Variants in PUS1 observed in about 807,000 individuals in gnomAD.
PUS1 encodes the protein pseudouridylate synthase 1 homolog.
In PUS1, 25 loss-of-function variants were observed where a neutral mutation model predicts 38.5. That is an observed-to-expected ratio of 0.65 (90% CI 0.47 to 0.91). PUS1 has a LOEUF of 0.91. Among genes scored for constraint, PUS1 ranks in the 40% least tolerant of loss-of-function variants. The pLI, the probability that PUS1 is intolerant of heterozygous loss-of-function variation, is 0.00. For missense variants in PUS1, 597 were observed against 612.3 expected (o/e 0.97, Z 0.26); for synonymous variants, 282 against 260.4 (o/e 1.08, Z -0.80).
At chr12:131,938,369 T>C (rs956821890) in intron 3 of PUS1, among the ~76,000 whole-genome samples, 1 of 152,136 alleles carries the variant, frequency 6.6e-6, no homozygotes, top group Non-Finnish European at 1.5e-5. Flanking sequence ...TGCTCAAACC[T>C]GGGAGGTCAA....
Position 131,939,156 on chromosome 12 carries a change from T to A in PUS1, c.442-17T>A, listed in dbSNP as rs1199751639. The A allele has an allele frequency of 1.2e-5, 19 of 1,536,338 alleles. No homozygotes were observed. The Middle Eastern group carries it at 1.0e-3, about 84-fold the overall frequency. Reference sequence around the variant, plus strand: ...CAAGGGACCCACCTTCCGTCACCCGTTCTGCTTTGTTTACAGGGTGTGTCC... The same window carrying A: ...CAAGGGACCCACCTTCCGTCACCCGATCTGCTTTGTTTACAGGGTGTGTCC... On this transcript the variant is annotated splice_polypyrimidine_tract_variant and intron_variant, in intron 3 of 5. Transcript: ENST00000376649.
At chr12:131,942,407 CT>C (rs143876811) in intron 5 of PUS1, among the ~76,000 whole-genome samples, 7 of 149,240 alleles carry the variant, frequency 4.7e-5, no homozygotes, top group South Asian at 2.1e-4. Flanking sequence ...TTTGTTCTTT[CT>C]TTTTTTTTTG....
chr12:131,938,288 A>G (rs537503390), intron 3 of PUS1, among the ~76,000 whole-genome samples: 3 of 152,224 alleles, frequency 2.0e-5, no homozygotes, highest in African/African-American at 7.2e-5. Flanking sequence ...TACAAAAAAA[A>G]TTGAAAACTA....
Position 131,929,745 on chromosome 12 carries a change from T to C in PUS1, c.23T>C (p.Leu8Pro), listed in dbSNP as rs144200090. The change falls in exon 1 of 6, where the codon CTG becomes CCG. Residue 8 changes from leucine (L) to proline (P), a missense_variant. Physicochemically the swap from Leu to Pro is moderately conservative, Grantham distance 98. Coordinates refer to ENST00000376649, the MANE Select transcript of PUS1 (RefSeq NM_025215.6). MGLQLRA[L>P]LGAFGRWTLR... ...CGCATGGGCCTCCAGCTTCGCGCGC[T>C]GTTGGGAGCCTTCGGACGGTGGACC... 1 of 1,592,578 alleles carries C rather than the reference T, an allele frequency of 6.3e-7. No individual in the cohort carries two copies. Among genetic ancestry groups the C allele is most frequent in the Non-Finnish European group, 8.5e-7 (1 of 1,176,638 alleles).
At chr12:131,939,342 G>T (rs1890971137) in intron 4 of PUS1, 67 bp downstream of exon 4, 1 of 1,002,372 alleles carries the variant, frequency 1.0e-6, no homozygotes, top group Non-Finnish European at 1.5e-6. Flanking sequence ...ACGAGGCTAT[G>T]CATGCTCCTG....
Position 131,941,473 on chromosome 12 carries a change from G to C in PUS1, c.726G>C (p.Thr242=). 6.2e-7 allele frequency: 1 copy of C among 1,613,462 alleles called. No homozygotes were observed. Among genetic ancestry groups the C allele is most frequent in the South Asian group, 1.1e-5 (1 of 91,074 alleles). ...VNRLLACYKG[T]HNFHNFTSQK... is the part of the protein sequence containing the mutation. ...GGCTCCTGGCCTGCTACAAGGGCAC[G>C]CACAACTTCCACAATTTCACCTCGC... is the stretch of plus-strand genomic sequence containing the variant. The change falls in exon 5 of 6, where the codon ACG becomes ACC. Residue 242 remains threonine (T), a synonymous_variant. Transcript: ENST00000376649. This position sits in a 1 kb window ranked among gnomAD's most constrained non-coding sequence, Gnocchi z 4.4.
chr12:131,933,318 C>T (rs190468500), intron 3 of PUS1, among the ~76,000 whole-genome samples: 4 of 151,966 alleles, frequency 2.6e-5, no homozygotes, highest in Admixed American at 2.0e-4. Context: ...AGGCATGAAC[C>T]GCCACATCTG....
At chr12:131,942,100 T>C in intron 5 of PUS1, 117 bp downstream of exon 5, 6 of 973,672 alleles carry the variant, frequency 6.2e-6, no homozygotes, top group Non-Finnish European at 9.4e-6. Flanking sequence ...GCCACACAGC[T>C]GCTGCAGGAG....
In PUS1 at chr12:131,945,626, A is replaced by G. The variant is rs1195506472; in HGVS notation, c.*2040A>G. On this transcript the variant is annotated 3_prime_UTR_variant, in exon 6 of 6. Coordinates refer to ENST00000376649, the MANE Select transcript of PUS1 (RefSeq NM_025215.6). ...ATTCTCCTTCCTCAGCCTCCAGAGT[A>G]GCTGAGAGTACAGGTGCCCGCTGCC... is the stretch of plus-strand genomic sequence containing the variant. 1 of 152,152 alleles carries G rather than the reference A, an allele frequency of 6.6e-6. No individual in the cohort carries two copies. Among genetic ancestry groups the G allele is most frequent in the Non-Finnish European group, 1.5e-5 (1 of 68,066 alleles). 9.4% of individuals were successfully genotyped at this position (152,152 alleles called of 1,614,324 possible).
rs762808101 is a variant in PUS1 at position 131,941,312 on chromosome 12, G to C, written c.565G>C (p.Gly189Arg). 7 of 1,614,140 alleles carry C rather than the reference G, an allele frequency of 4.3e-6. No homozygotes were observed. Among genetic ancestry groups the C allele is most frequent in the South Asian group, 1.1e-5 (1 of 91,078 alleles). The stretch of plus-strand genomic sequence containing the variant: ...CCTAGGACTGAAGCGGGTCACGGGC[G>C]GGTTTAACTCCAAGAACAGATGTGA... Reference protein sequence around the residue: ...RILGLKRVTGGFNSKNRCDAR... With the variant: ...RILGLKRVTGRFNSKNRCDAR... Residue 189 changes from glycine (G) to arginine (R), a missense_variant, in exon 5 of 6, where the codon GGG becomes CGG. Coordinates refer to ENST00000376649, the MANE Select transcript of PUS1 (RefSeq NM_025215.6). The surrounding 1 kb of genome is among the most constrained non-coding windows in gnomAD (Gnocchi z 4.4).
At chr12:131,937,197 A>G (rs939987562) in intron 3 of PUS1, among the ~76,000 whole-genome samples, 17 of 152,110 alleles carry the variant, frequency 1.1e-4, no homozygotes, top group Non-Finnish European at 2.2e-4. Context: ...ACTCTTTCCA[A>G]CTTTTTATTT....
chr12:131,942,200 C>G (rs1257067058), intron 5 of PUS1, among the ~76,000 whole-genome samples: 1 of 152,186 alleles, frequency 6.6e-6, no homozygotes, highest in African/African-American at 2.4e-5. Context: ...CCTGGGAGGG[C>G]TGTCCCAGGG....
intron 2 of PUS1, chr12:131,931,396 G>A (rs115634555): frequency 1.3e-5 from 2 of 151,916 alleles, no homozygotes; most frequent in Non-Finnish European, 2.9e-5. Flanking sequence ...TGACCTCAGA[G>A]TATCCTCCTG....
At position 131,941,888 on chromosome 12, in the gene PUS1, G is replaced by A. The variant is rs771293984; in HGVS notation, c.1141G>A (p.Glu381Lys). 7.4e-6 allele frequency: 12 copies of A among 1,613,436 alleles called. No homozygotes were observed. The highest frequency in any genetic ancestry group is 2.2e-5 in the East Asian group (1 of 44,884). Residue 381 changes from glutamate (E) to lysine (K), a missense_variant, in exon 5 of 6, where the codon GAG (glutamate) becomes AAG (lysine). By Grantham distance (56) the Glu-to-Lys change is moderately conservative. Coordinates refer to ENST00000376649, the MANE Select transcript of PUS1 (RefSeq NM_025215.6). The surrounding 1 kb of genome is among the most constrained non-coding windows in gnomAD (Gnocchi z 4.4). ...CATCTACCCCACCATCATCGGCACCGAGCGGGACGAACGCTCCATGGCCCA... is the reference window on the plus strand; with the variant it reads ...CATCTACCCCACCATCATCGGCACCAAGCGGGACGAACGCTCCATGGCCCA... The part of the protein sequence containing the change: ...EHIYPTIIGT[E>K]RDERSMAQWL...
rs896492259 is a variant in PUS1, at chr12:131,941,210, G to A, written c.545-82G>A. On this transcript the variant is annotated intron_variant, in intron 4 of 5. Transcript: ENST00000376649. This position sits in a 1 kb window ranked among gnomAD's most constrained non-coding sequence, Gnocchi z 4.4. ...GTGCTCTGGGTAAGGAGACGCTGGG[G>A]CTCACGCCGTGCTCAGGCTGCTCCC... The A allele has an allele frequency of 8.1e-6, 10 of 1,240,662 alleles. No individual in the cohort carries two copies. Among genetic ancestry groups the A allele is most frequent in the African/African-American group, 3.0e-5 (2 of 67,292 alleles). The allele number at this position is 1,240,662 out of a possible 1,614,324, so 76.9% of individuals were successfully genotyped here. A position where few individuals can be genotyped will look rare whatever the true frequency, so the allele number is the denominator to read the frequency against.
At chr12:131,942,109 A>T (rs1331504905) in intron 5 of PUS1, 126 bp downstream of exon 5, 18 of 909,478 alleles carry the variant, frequency 2.0e-5, no homozygotes, top group Non-Finnish European at 3.1e-5. Context: ...CTGCTGCAGG[A>T]GCAGGGGCAG....
At chr12:131,934,191 G>A (rs1460889668) in intron 3 of PUS1, among the ~76,000 whole-genome samples, 4 of 152,240 alleles carry the variant, frequency 2.6e-5, no homozygotes, top group South Asian at 4.1e-4. Context: ...GACAAGGAGC[G>A]TGACCGTTGA....
intron 3 of PUS1, among the ~76,000 whole-genome samples, chr12:131,933,838 G>C (rs913479521): frequency 6.6e-6 from 1 of 152,200 alleles, no homozygotes; most frequent in Admixed American, 6.5e-5. Context: ...TAGAAGGAAA[G>C]ACAGCTGGGT....
At chr12:131,942,156 C>T (rs909552700) in intron 5 of PUS1, among the ~76,000 whole-genome samples, 173 bp downstream of exon 5, 4 of 152,202 alleles carry the variant, frequency 2.6e-5, no homozygotes, top group African/African-American at 9.6e-5. Flanking sequence ...ATGCCTGCGC[C>T]ACCCACTTGC....
Sources: gnomAD v4.1 joint callset for allele counts (sites outside exome capture counted in the v4.1 genomes callset) on GRCh38, gnomAD v4.1.1 for gene constraint, Gnocchi (gnomAD v3.1) non-coding constraint, MANE v1.5 for transcripts, NCBI Gene and HGNC (gene_info 2026-07-23, HGNC 2026-07-21) for gene names.